INPP4B: variants seen among roughly 807,000 people sequenced by gnomAD.
The protein encoded by INPP4B is inositol polyphosphate-4-phosphatase type II B.
Under a neutral mutation model 122.5 loss-of-function variants are expected in INPP4B, and 55 were observed. That is an observed-to-expected ratio of 0.45 (90% confidence interval 0.36 to 0.56). INPP4B has a LOEUF of 0.56. Among genes scored for constraint, INPP4B ranks in the 20% least tolerant of loss-of-function variants. The pLI is 0.00. For synonymous variants in INPP4B, 403 were observed against 388.7 expected, an observed-to-expected ratio of 1.04 and a Z score of -0.43; for missense variants, 1,000 against 1,097.7, an observed-to-expected ratio of 0.91 and a Z score of 1.26.
chr4:142,078,745 G>C (rs915291000), intron 25 of INPP4B, among the ~76,000 whole-genome samples: 1 of 151,956 alleles, frequency 6.6e-6, no homozygotes, highest in Non-Finnish European at 1.5e-5. Flanking sequence ...ACTAAATAAA[G>C]AGTGATATGA....
chr4:142,082,027 A>G lies in INPP4B; in HGVS notation c.2642+4T>C, dbSNP rs771392206. 4 of 1,433,750 alleles carry G rather than the reference A, an allele frequency of 2.8e-6. No individual in the cohort carries two copies. In the East Asian group the frequency reaches 7.0e-5, roughly 25 times the overall value. 88.8% of individuals were successfully genotyped at this position (1,433,750 alleles called of 1,614,324 possible). A position where few individuals can be genotyped will look rare whatever the true frequency, so the allele number is the denominator to read the frequency against. Reference sequence around the variant, plus strand: ...GAAAAAAACTTGAAAAACATGTGAGATACCTTCTCATGCAATCCAGCGCTC... The same window carrying G: ...GAAAAAAACTTGAAAAACATGTGAGGTACCTTCTCATGCAATCCAGCGCTC... On this transcript the variant is annotated splice_donor_region_variant and intron_variant, in intron 25 of 25. Coordinates refer to ENST00000262992, the MANE Select transcript of INPP4B (RefSeq NM_001101669.3).
At chr4:142,176,122 T>TTATTATTAC (rs1828083812) in intron 15 of INPP4B, among the ~76,000 whole-genome samples, 1 of 121,066 alleles carries the variant, frequency 8.3e-6, no homozygotes, top group Non-Finnish European at 1.9e-5. Flanking sequence ...CTTTCTTTTA[T>TTATTATTAC]TATTATTATT....
chr4:142,392,563 A>G (rs1004501368), intron 7 of INPP4B, among the ~76,000 whole-genome samples: 7 of 152,234 alleles, frequency 4.6e-5, no homozygotes, highest in African/African-American at 1.7e-4. Flanking sequence ...CATGGGTTAA[A>G]AAGAACATTG....
At chr4:142,337,093 C>T (rs1433038622) in intron 7 of INPP4B, among the ~76,000 whole-genome samples, 3 of 151,846 alleles carry the variant, frequency 2.0e-5, no homozygotes, top group Non-Finnish European at 4.4e-5. Context: ...ATTCCTTTGC[C>T]TTTCTTTGTT....
intron 2 of INPP4B, among the ~76,000 whole-genome samples, chr4:142,521,893 A>G (rs186312869): frequency 8.5e-4 from 129 of 152,252 alleles, no homozygotes; most frequent in African/African-American, 2.9e-3. Flanking sequence ...GTATTTGTAT[A>G]AATAGAGTCC....
At chr4:142,445,780 G>A (rs1201139084) in intron 3 of INPP4B, among the ~76,000 whole-genome samples, 1 of 152,056 alleles carries the variant, frequency 6.6e-6, no homozygotes, top group East Asian at 1.9e-4. Context: ...CAGCTTCTAT[G>A]CTGACTCATA....
At chr4:142,574,675 T>C (rs1733485113) in intron 2 of INPP4B, among the ~76,000 whole-genome samples, 1 of 152,122 alleles carries the variant, frequency 6.6e-6, no homozygotes, top group Non-Finnish European at 1.5e-5. Context: ...TATCTTCTCC[T>C]CAATAAAGTT....
intron 2 of INPP4B, among the ~76,000 whole-genome samples, chr4:142,647,341 GA>G (rs1246328149): frequency 6.6e-6 from 1 of 152,178 alleles, no homozygotes; most frequent in Non-Finnish European, 1.5e-5. Context: ...ATTTGGAAAT[GA>G]AATTCAGTTA....
chr4:142,107,891 C>T (rs1787952705), intron 23 of INPP4B, among the ~76,000 whole-genome samples: 2 of 152,130 alleles, frequency 1.3e-5, no homozygotes, highest in South Asian at 4.1e-4. Flanking sequence ...CAGCAGGACA[C>T]ATTCAAGAAG....
chr4:142,377,010 C>G (rs1354425053), intron 7 of INPP4B, among the ~76,000 whole-genome samples: 1 of 151,794 alleles, frequency 6.6e-6, no homozygotes, highest in Non-Finnish European at 1.5e-5. Flanking sequence ...GTTACATTAC[C>G]ATTTCCTTTA....
Position 142,128,206 on chromosome 4 carries a change from A to G in INPP4B, c.1721-3446T>C, listed in dbSNP as rs1049145206. ...TATTCATTCATATATAAATATATAT[A>G]TGTGTGTGTGTGTGTGTATGTATAT... On this transcript the variant is annotated intron_variant, in intron 18 of 25. Coordinates refer to ENST00000262992, the MANE Select transcript of INPP4B (RefSeq NM_001101669.3). Among the ~76,000 whole-genome samples, 153 of 150,798 alleles carry G rather than the reference A, an allele frequency of 1.0e-3. 2 individuals carry two copies. In the East Asian group the frequency reaches 0.026, roughly 26 times the overall value.
chr4:142,711,247 G>T (rs551773145), intron 2 of INPP4B, among the ~76,000 whole-genome samples: 1 of 152,142 alleles, frequency 6.6e-6, no homozygotes, highest in East Asian at 1.9e-4. Context: ...GGCCTCCCAG[G>T]CCTCCCTATT....
At chr4:142,317,828 A>G (rs1201075335) in intron 7 of INPP4B, among the ~76,000 whole-genome samples, 1 of 152,212 alleles carries the variant, frequency 6.6e-6, no homozygotes, top group African/African-American at 2.4e-5. Context: ...TGTGTTCAGG[A>G]AATAGTAAGT....
chr4:142,747,996 A>G (rs1769051105), intron 1 of INPP4B, among the ~76,000 whole-genome samples: 1 of 152,184 alleles, frequency 6.6e-6, no homozygotes, highest in Non-Finnish European at 1.5e-5. Flanking sequence ...CATTCTGCAC[A>G]TGTACCCCAG....
chr4:142,398,204 T>A (rs1800010206), intron 7 of INPP4B, among the ~76,000 whole-genome samples: 1 of 150,450 alleles, frequency 6.6e-6, no homozygotes, highest in Admixed American at 6.6e-5. Context: ...TGAAACCCCG[T>A]CTCTACTAAA....
chr4:142,025,351 T>G lies in INPP4B; in HGVS notation c.*3431A>C, dbSNP rs940040689. 1 of 152,198 alleles carries G rather than the reference T, an allele frequency of 6.6e-6. No homozygotes were observed. Among genetic ancestry groups the G allele is most frequent in the Non-Finnish European group, 1.5e-5 (1 of 68,026 alleles). 9.4% of individuals were successfully genotyped at this position (152,198 alleles called of 1,614,324 possible). ...AAGAGTACTAATAAATAGTATAAGG[T>G]AGTAAAATAATTGGGAAGTGGTATG... On this transcript the variant is annotated 3_prime_UTR_variant, in exon 26 of 26. Coordinates refer to ENST00000262992, the MANE Select transcript of INPP4B (RefSeq NM_001101669.3).
intron 12 of INPP4B, among the ~76,000 whole-genome samples, chr4:142,213,104 G>T (rs771872708): frequency 6.6e-6 from 1 of 152,166 alleles, no homozygotes; most frequent in Non-Finnish European, 1.5e-5. Context: ...ATTATGTGGG[G>T]CACCATATCA....
chr4:142,386,764 G>A (rs1453982998), intron 7 of INPP4B, among the ~76,000 whole-genome samples: 1 of 152,140 alleles, frequency 6.6e-6, no homozygotes, highest in South Asian at 2.1e-4. Context: ...GGTGCTGCCC[G>A]AATCGTAAAT....
At chr4:142,410,577 G>C (rs1804389656) in intron 5 of INPP4B, among the ~76,000 whole-genome samples, 2 of 152,058 alleles carry the variant, frequency 1.3e-5, no homozygotes, top group African/African-American at 4.8e-5. Flanking sequence ...TAGACTTAGA[G>C]GAGAAACCAC....
Sources: allele counts gnomAD v4.1 joint callset (sites outside exome capture counted in the v4.1 genomes callset), GRCh38; gene constraint gnomAD v4.1.1; transcripts MANE v1.5; gene names NCBI Gene and HGNC (gene_info 2026-07-23, HGNC 2026-07-21).